TCF3: variants seen among roughly 807,000 people sequenced by gnomAD.
TCF3 encodes transcription factor 3, also known as transcription factor E2-alpha.
TCF3 carries 54 observed loss-of-function variants against 72.3 expected under a neutral mutation model. The observed-to-expected ratio is 0.75, with a 90% CI of 0.60 to 0.94. The LOEUF is 0.94. Ranked by LOEUF, TCF3 falls within the 40% of genes least tolerant of loss-of-function variation. The pLI is 0.00. For synonymous variants in TCF3, 525 were observed against 412.6 expected (o/e 1.27, Z -3.30); for missense variants, 1,078 against 934.4 (o/e 1.15, Z -2.00).
chr19:1,627,301 G>C (rs544224714), intron 6 of TCF3, 58 bp downstream of exon 6: 16 of 1,457,770 alleles, frequency 1.1e-5, no homozygotes, highest in Non-Finnish European at 1.4e-5. Flanking sequence ...ATCAGAGAGG[G>C]TGGGTGACAG....
Position 1,619,760 on chromosome 19 carries a change from G to C in TCF3, c.1167+20C>G, listed in dbSNP as rs1211399732. The C allele has an allele frequency of 6.5e-7, 1 of 1,542,142 alleles. No homozygotes were observed. The highest frequency in any genetic ancestry group is 2.0e-5 in the Admixed American group (1 of 51,098). On this transcript the variant is annotated intron_variant, in intron 14 of 18. Transcript: ENST00000262965. Reference sequence around the variant, plus strand: ...AAATTCTGTCGGGGAAGGGTGGGGTGGGGCGGGGCAGGCACTCACCAGGCC... The same window carrying C: ...AAATTCTGTCGGGGAAGGGTGGGGTCGGGCGGGGCAGGCACTCACCAGGCC...
chr19:1,625,638 G>A lies in TCF3; in HGVS notation c.437C>T (p.Thr146Ile), dbSNP rs2146271548. ...GGAGTAGGAGGGGTAGTACTGGGAG[G>A]TCCCCTTCATGCCCGAAGGGGACAG... The part of the protein sequence containing the change: ...GPLSPSGMKG[T>I]SQYYPSYSGS... The change falls in exon 7 of 19, where the codon ACC becomes ATC. Residue 146 changes from threonine to isoleucine, a missense_variant. Transcript: ENST00000262965. The A allele has an allele frequency of 1.9e-6, 3 of 1,556,126 alleles. No individual in the cohort carries two copies. The highest frequency in any genetic ancestry group is 8.6e-7 in the Non-Finnish European group (1 of 1,156,240).
intron 2 of TCF3, among the ~76,000 whole-genome samples, chr19:1,648,021 G>GACTGCCTGGGACCCAGGC (rs1222104526): frequency 2.6e-5 from 4 of 152,176 alleles, no homozygotes; most frequent in Non-Finnish European, 5.9e-5. Context: ...CAGGCCCAGG[G>GACTGCCTGGGACCCAGGC]ACTGCCTGGG....
chr19:1,627,303 G>A lies in TCF3; in HGVS notation c.366+56C>T, dbSNP rs1240098194. 4 of 1,460,566 alleles carry A rather than the reference G, an allele frequency of 2.7e-6. No individual in the cohort carries two copies. The Admixed American group carries it at 5.8e-5, about 21-fold the overall frequency. 90.5% of individuals were successfully genotyped at this position (1,460,566 alleles called of 1,614,324 possible). A position where few individuals can be genotyped will look rare whatever the true frequency, so the allele number is the denominator to read the frequency against. ...AGAGCTTCTGCAGATCAGAGAGGGT[G>A]GGTGACAGATTTGTTTAAAATCAAA... On this transcript the variant is annotated intron_variant, in intron 6 of 18. Coordinates refer to ENST00000262965, the MANE Select transcript of TCF3 (RefSeq NM_003200.5).
chr19:1,623,814 A>C, intron 8 of TCF3, 137 bp downstream of exon 8: 1 of 858,294 alleles, frequency 1.2e-6, no homozygotes, highest in East Asian at 2.8e-5. Flanking sequence ...CAGAGCTCAG[A>C]TCTTGGCTCA....
At position 1,622,373 on chromosome 19, in the gene TCF3, T is replaced by G; in HGVS notation, c.592A>C (p.Thr198Pro). The change falls in exon 9 of 19, where the codon ACC becomes CCC. Residue 198 changes from threonine (T) to proline (P), a missense_variant. Thr to Pro is a conservative substitution (Grantham distance 38). Coordinates refer to ENST00000262965, the MANE Select transcript of TCF3 (RefSeq NM_003200.5). ...SSGEDYGRDA[T>P]AYPSAKTPSS... ...GGGGTCTTGGCGGACGGGTAGGCGG[T>G]GGCATCCCTGCCGTAGTCCTCACCT... The G allele has an allele frequency of 7.7e-7, 1 of 1,293,214 alleles. No individual in the cohort carries two copies. The highest frequency in any genetic ancestry group is 1.0e-6 in the Non-Finnish European group (1 of 994,410). The allele number at this position is 1,293,214 out of a possible 1,614,324, so 80.1% of individuals were successfully genotyped here. A position where few individuals can be genotyped will look rare whatever the true frequency, so the allele number is the denominator to read the frequency against.
chr19:1,621,597 G>A (rs575119844), intron 11 of TCF3, among the ~76,000 whole-genome samples: 1 of 152,300 alleles, frequency 6.6e-6, no homozygotes, highest in South Asian at 2.1e-4. Context: ...GTCCCTCTCT[G>A]AGCCTCTTTC....
At chr19:1,650,045 C>T (rs1229747830) in intron 2 of TCF3, 132 bp downstream of exon 2, 1 of 905,336 alleles carries the variant, frequency 1.1e-6, no homozygotes, top group Non-Finnish European at 1.7e-6. Flanking sequence ...TCCCCCAGCC[C>T]CACCGGGGCC....
intron 3 of TCF3, among the ~76,000 whole-genome samples, chr19:1,641,693 T>C (rs916883651): frequency 6.6e-6 from 1 of 152,068 alleles, no homozygotes; most frequent in Admixed American, 6.5e-5. Flanking sequence ...CCTCATGTGA[T>C]CCACACACCC....
At chr19:1,636,352 G>A (rs1208819507) in intron 3 of TCF3, among the ~76,000 whole-genome samples, 3 of 152,108 alleles carry the variant, frequency 2.0e-5, no homozygotes. Context: ...TAGAGACGGG[G>A]TTTCATACAT....
chr19:1,613,685 A>G (rs1455575140), intron 18 of TCF3, among the ~76,000 whole-genome samples: 1 of 152,110 alleles, frequency 6.6e-6, no homozygotes, highest in Non-Finnish European at 1.5e-5. Flanking sequence ...CAGGGCTCAC[A>G]TGGAGCAAAC....
At chr19:1,626,600 C>T (rs1053054845) in intron 6 of TCF3, among the ~76,000 whole-genome samples, 16 of 152,210 alleles carry the variant, frequency 1.1e-4, no homozygotes, top group African/African-American at 2.9e-4. Context: ...CACCCGGGAG[C>T]GCCAGAGAGC....
At chr19:1,633,535 G>A (rs980284811) in intron 3 of TCF3, among the ~76,000 whole-genome samples, 1 of 152,178 alleles carries the variant, frequency 6.6e-6, no homozygotes, top group Non-Finnish European at 1.5e-5. Context: ...GTGCCTTTGT[G>A]TTAATCATTC....
intron 16 of TCF3, 64 bp downstream of exon 16, chr19:1,619,047 C>G (rs2061860349): frequency 1.9e-6 from 3 of 1,596,204 alleles, no homozygotes; most frequent in Non-Finnish European, 8.5e-7. Context: ...ACCCCCACCA[C>G]TAGAGTGCCT....
chr19:1,639,751 GA>G (rs10674333), intron 3 of TCF3, among the ~76,000 whole-genome samples: 1,429 of 54,174 alleles, frequency 0.026, 12 homozygotes, highest in African/African-American at 0.09. Flanking sequence ...AGGAAATTAG[GA>G]AAAAAAAAAA....
intron 3 of TCF3, among the ~76,000 whole-genome samples, chr19:1,635,940 C>T (rs1045269154): frequency 1.3e-5 from 2 of 152,178 alleles, no homozygotes; most frequent in Non-Finnish European, 2.9e-5. Context: ...ACTATGACCC[C>T]CCAAGCCCGT....
chr19:1,635,144 C>G (rs1212735539), intron 3 of TCF3, among the ~76,000 whole-genome samples: 1 of 152,218 alleles, frequency 6.6e-6, no homozygotes, highest in African/African-American at 2.4e-5. Context: ...AGGCACACCA[C>G]CAGGTGGTCT....
intron 13 of TCF3, 100 bp downstream of exon 13, chr19:1,620,868 C>A: frequency 8.1e-7 from 1 of 1,230,754 alleles, no homozygotes; most frequent in South Asian, 1.8e-5. Flanking sequence ...ACACCAGAAC[C>A]AGCCTCCCCT....
rs750095956 is a variant in TCF3, at chr19:1,614,154, G to C, written c.1822+1131C>G. Among the ~76,000 whole-genome samples, 67 of 152,374 alleles carry C rather than the reference G, an allele frequency of 4.4e-4. No individual in the cohort carries two copies. Among genetic ancestry groups the C allele is most frequent in the Middle Eastern group, 3.4e-3 (1 of 294 alleles). On this transcript the variant is annotated intron_variant, in intron 18 of 18. Transcript: ENST00000262965. The surrounding 1 kb of genome is among the most constrained non-coding windows in gnomAD (Gnocchi z 5.6). Reference sequence around the variant, plus strand: ...GGGTGAAGGTCTGGCCCAGTGCCCAGCATGCCTGGTGCCCTGTCTTAGTCT... The same window carrying C: ...GGGTGAAGGTCTGGCCCAGTGCCCACCATGCCTGGTGCCCTGTCTTAGTCT...
Sources: gnomAD v4.1 joint callset for allele counts (sites outside exome capture counted in the v4.1 genomes callset) on GRCh38, gnomAD v4.1.1 for gene constraint, Gnocchi (gnomAD v3.1) non-coding constraint, MANE v1.5 for transcripts, NCBI Gene and HGNC (gene_info 2026-07-23, HGNC 2026-07-21) for gene names.